The following GRM1 variants were observed in gnomAD, a reference collection of about 807,000 sequenced individuals.
The protein encoded by GRM1 is glutamate metabotropic receptor 1.
Under a neutral mutation model 90.9 loss-of-function variants are expected in GRM1, and 33 were observed. The observed-to-expected ratio is 0.36, with a 90% CI of 0.28 to 0.49. GRM1 has a LOEUF of 0.49. GRM1 is among the 20% of genes least tolerant of loss of function. The probability of loss-of-function intolerance (pLI) is 0.99; values close to 1 mark genes in which losing one functional copy is unlikely to be tolerated. For missense variants in GRM1, 1,190 were observed against 1,534.3 expected, an observed-to-expected ratio of 0.78 and a Z score of 3.75; for synonymous variants, 700 against 613.2, an observed-to-expected ratio of 1.14 and a Z score of -2.09.
intron 1 of GRM1, among the ~76,000 whole-genome samples, chr6:146,136,790 T>C (rs1217232393): frequency 2.6e-5 from 4 of 151,330 alleles, no homozygotes; most frequent in Non-Finnish European, 5.9e-5. Flanking sequence ...CAACAGCAAA[T>C]AATCTGTCAT....
chr6:146,242,867 A>G (rs775991551), intron 2 of GRM1, among the ~76,000 whole-genome samples: 1 of 152,300 alleles, frequency 6.6e-6, no homozygotes, highest in Non-Finnish European at 1.5e-5. Context: ...TCTGAGATAT[A>G]GAAATTGCTT....
At chr6:146,272,890 TA>T (rs1253690924) in intron 2 of GRM1, among the ~76,000 whole-genome samples, 3 of 152,146 alleles carry the variant, frequency 2.0e-5, no homozygotes. Context: ...ACATTATTCC[TA>T]AAATAAGCAA....
intron 7 of GRM1, among the ~76,000 whole-genome samples, chr6:146,411,088 G>T (rs1777550089): frequency 6.6e-6 from 1 of 152,172 alleles, no homozygotes; most frequent in Non-Finnish European, 1.5e-5. Context: ...TGACTTTGTG[G>T]AAACTGAAAT....
chr6:146,183,701 T>C, intron 2 of GRM1, among the ~76,000 whole-genome samples: 1 of 152,184 alleles, frequency 6.6e-6, no homozygotes, highest in Non-Finnish European at 1.5e-5. Flanking sequence ...GATTCTCCTC[T>C]AGAACCTTCG....
intron 1 of GRM1, among the ~76,000 whole-genome samples, chr6:146,105,856 A>G (rs1029978206): frequency 2.2e-4 from 33 of 152,178 alleles, no homozygotes; most frequent in African/African-American, 7.2e-4. Context: ...GGGACTCCAC[A>G]GGCTTGGAGA....
intron 1 of GRM1, among the ~76,000 whole-genome samples, chr6:146,087,187 G>C (rs1321284634): frequency 6.6e-6 from 1 of 152,004 alleles, no homozygotes; most frequent in Non-Finnish European, 1.5e-5. Flanking sequence ...CCTTGTATTG[G>C]AATGAGTAAG....
intron 2 of GRM1, among the ~76,000 whole-genome samples, chr6:146,208,631 T>G (rs927979778): frequency 6.6e-6 from 1 of 152,162 alleles, no homozygotes; most frequent in African/African-American, 2.4e-5. Flanking sequence ...ATTTTGAAGT[T>G]GTTAGGAATT....
At chr6:146,119,531 A>G (rs1427232715) in intron 1 of GRM1, among the ~76,000 whole-genome samples, 1 of 152,134 alleles carries the variant, frequency 6.6e-6, no homozygotes, top group Non-Finnish European at 1.5e-5. Context: ...TATGTCCTGA[A>G]TGGTATTGCC....
At chr6:146,070,906 A>G (rs1171518282) in intron 1 of GRM1, among the ~76,000 whole-genome samples, 4 of 152,176 alleles carry the variant, frequency 2.6e-5, no homozygotes, top group African/African-American at 4.8e-5. Flanking sequence ...CTGAAACACA[A>G]TAACTTGTAG....
rs751274056 is a variant in GRM1 at position 146,434,717 on chromosome 6, C to A, written c.3506C>A (p.Ser1169Ter). 6.2e-7 allele frequency: 1 copy of A among 1,601,982 alleles called. No homozygotes were observed. Residue 1169 changes from serine to a stop codon, truncating the protein, a stop_gained, in exon 8 of 8, where the codon TCG (serine) becomes TAG (stop). Transcript: ENST00000282753. LOFTEE classifies it high-confidence loss of function. ...GTGCCCAGCTCCCCCGTGTCCGAGT[C>A]GGTGCTCTGCACCCCTCCCAACGTA... ...SSVPSSPVSE[S>*]VLCTPPNVSY...
In GRM1 at chr6:146,149,242, C is replaced by G. The variant is rs1432966838; in HGVS notation, c.701-10106C>G. On this transcript the variant is annotated intron_variant, in intron 1 of 7. Transcript: ENST00000282753. ...CTTTAAACCTAAACACTAAAAGCCC[C>G]AAAATAAAAAAGAGAAGGACTTTCT... Among the ~76,000 whole-genome samples, 3 of 151,994 alleles carry G rather than the reference C, an allele frequency of 2.0e-5. No homozygotes were observed. In the East Asian group the frequency reaches 5.8e-4, roughly 29 times the overall value.
rs184921151 is a variant in GRM1, at chr6:146,397,184, T to A, written c.1730-1585T>A. 3.6e-3 allele frequency among the ~76,000 whole-genome samples: 549 copies of A among 152,112 alleles called. 3 individuals are homozygous for A. Among genetic ancestry groups the A allele is most frequent in the African/African-American group, 0.012 (481 of 41,500 alleles). ...GAGACTAAATACATAAAATTTTTTT[T>A]AAAAAGCACAAAAGCTGGCTGGGTG... On this transcript the variant is annotated intron_variant, in intron 6 of 7. Transcript: ENST00000282753.
intron 2 of GRM1, among the ~76,000 whole-genome samples, chr6:146,211,774 T>C (rs1029033521): frequency 2.6e-5 from 4 of 152,240 alleles, no homozygotes; most frequent in Non-Finnish European, 5.9e-5. Flanking sequence ...ATGTTAATTA[T>C]ACAGTTCTTT....
chr6:146,234,270 T>A (rs1262324118), intron 2 of GRM1, among the ~76,000 whole-genome samples: 1 of 152,068 alleles, frequency 6.6e-6, no homozygotes, highest in Non-Finnish European at 1.5e-5. Context: ...AGCATACAAG[T>A]GTATCTTCCT....
chr6:146,425,766 C>T (rs2114673362), intron 7 of GRM1, among the ~76,000 whole-genome samples: 1 of 152,280 alleles, frequency 6.6e-6, no homozygotes, highest in East Asian at 1.9e-4. Flanking sequence ...GGCATGACAG[C>T]CAGACAGCTT....
intron 2 of GRM1, among the ~76,000 whole-genome samples, chr6:146,218,760 T>C (rs1779957414): frequency 6.6e-6 from 1 of 152,182 alleles, no homozygotes. Flanking sequence ...TGTGACATTG[T>C]TTATCAATTT....
At chr6:146,244,508 C>G (rs943783078) in intron 2 of GRM1, among the ~76,000 whole-genome samples, 1 of 152,120 alleles carries the variant, frequency 6.6e-6, no homozygotes, top group Non-Finnish European at 1.5e-5. Flanking sequence ...TCAAACACCT[C>G]AGATTTTGGG....
At chr6:146,147,778 GA>G (rs879922826) in intron 1 of GRM1, among the ~76,000 whole-genome samples, 14 of 152,252 alleles carry the variant, frequency 9.2e-5, no homozygotes, top group Admixed American at 9.2e-4. Context: ...ACAACAAACA[GA>G]GAGGGGGTCC....
chr6:146,190,450 T>C (rs918692748), intron 2 of GRM1, among the ~76,000 whole-genome samples: 2 of 151,970 alleles, frequency 1.3e-5, no homozygotes, highest in African/African-American at 4.8e-5. Flanking sequence ...AAAGTTTCAC[T>C]AAAAATGAGC....
Sources: gnomAD v4.1 joint callset for allele counts (sites outside exome capture counted in the v4.1 genomes callset) on GRCh38, gnomAD v4.1.1 for gene constraint, MANE v1.5 for transcripts, NCBI Gene and HGNC (gene_info 2026-07-23, HGNC 2026-07-21) for gene names.